NAV3: variants seen among roughly 807,000 people sequenced by gnomAD.
NAV3 encodes neuron navigator 3.
Under a neutral mutation model 244.7 loss-of-function variants are expected in NAV3, and 87 were observed. The ratio of observed to expected loss-of-function variants is 0.36; its 90% confidence interval spans 0.30 to 0.42. The LOEUF is 0.42. NAV3 is among the 20% of genes least tolerant of loss of function. The pLI, the probability that NAV3 is intolerant of heterozygous loss-of-function variation, is 1.00. For missense variants in NAV3, 2,663 were observed against 2,893.3 expected (o/e 0.92, Z 1.83); for synonymous variants, 1,126 against 1,042.2 (o/e 1.08, Z -1.55).
At chr12:78,209,813 A>G (rs1960714234) in intron 39 of NAV3, among the ~76,000 whole-genome samples, 1 of 152,204 alleles carries the variant, frequency 6.6e-6, no homozygotes, top group Non-Finnish European at 1.5e-5. Context: ...TTAACAACAC[A>G]AACTTGACAG....
At chr12:77,744,353 T>A (rs1229366861) in intron 2 of NAV3, among the ~76,000 whole-genome samples, 1 of 152,010 alleles carries the variant, frequency 6.6e-6, no homozygotes, top group Non-Finnish European at 1.5e-5. Context: ...TCTCTAACAA[T>A]TGAAAAGCTT....
At chr12:77,609,686 T>C (rs925075699) in intron 2 of NAV3, among the ~76,000 whole-genome samples, 1 of 151,980 alleles carries the variant, frequency 6.6e-6, no homozygotes, top group African/African-American at 2.4e-5. Flanking sequence ...GAACACACTT[T>C]GGGAACCACT....
At chr12:78,066,203 C>T (rs539359511) in intron 12 of NAV3, among the ~76,000 whole-genome samples, 61 of 152,114 alleles carry the variant, frequency 4.0e-4, no homozygotes, top group Middle Eastern at 6.8e-3. Flanking sequence ...TCTGCTGGCA[C>T]CTTGATAAAG....
At position 77,629,638 on chromosome 12, in the gene NAV3, A is replaced by G. The variant is rs149195139; in HGVS notation, c.72+57372A>G. On this transcript the variant is annotated intron_variant, in intron 2 of 8. Transcript: ENST00000550042. ...GTCCAAAACATTAAATGTTCTCTGC[A>G]ATGTGGCACCAACCTACCTAAGAAT... 3.0e-3 allele frequency among the ~76,000 whole-genome samples: 450 copies of G among 148,596 alleles called. 1 individual carries two copies. Among genetic ancestry groups the G allele is most frequent in the African/African-American group, 0.011 (440 of 38,268 alleles).
chr12:77,805,826 T>A (rs2135984408), intron 2 of NAV3, among the ~76,000 whole-genome samples: 1 of 152,312 alleles, frequency 6.6e-6, no homozygotes, highest in Non-Finnish European at 1.5e-5. Flanking sequence ...GGTTATTAAT[T>A]ACTGCCTCAA....
chr12:77,967,015 G>T (rs537067676), intron 4 of NAV3, among the ~76,000 whole-genome samples: 2 of 152,064 alleles, frequency 1.3e-5, no homozygotes, highest in African/African-American at 2.4e-5. Flanking sequence ...TTTTATATTT[G>T]CTTGTTATGA....
chr12:77,933,749 A>G (rs1889055024), intron 1 of NAV3, among the ~76,000 whole-genome samples: 1 of 152,228 alleles, frequency 6.6e-6, no homozygotes, highest in Admixed American at 6.5e-5. Flanking sequence ...TACAAGAGTC[A>G]TGAGATTGGA....
At chr12:78,121,133 G>A (rs192991127) in intron 15 of NAV3, among the ~76,000 whole-genome samples, 6 of 152,270 alleles carry the variant, frequency 3.9e-5, no homozygotes, top group Admixed American at 2.6e-4. Context: ...AGGAAATATG[G>A]ATTTCATTGC....
At chr12:78,187,859 C>G (rs934616345) in intron 31 of NAV3, among the ~76,000 whole-genome samples, 1 of 151,856 alleles carries the variant, frequency 6.6e-6, no homozygotes, top group African/African-American at 2.4e-5. Context: ...TCTGTTCTGT[C>G]TCTCTCACCA....
chr12:78,160,410 T>TGTGTGTGTGCGTGCGTGC (rs1957491105), intron 23 of NAV3, among the ~76,000 whole-genome samples: 2 of 127,842 alleles, frequency 1.6e-5, no homozygotes, highest in African/African-American at 5.7e-5. Context: ...CGTGCGTGTG[T>TGTGTGTGTGCGTGCGTGC]GTGTGTGTGT....
chr12:78,131,821 A>G (rs1384424027), intron 18 of NAV3, among the ~76,000 whole-genome samples: 1 of 152,208 alleles, frequency 6.6e-6, no homozygotes, highest in Non-Finnish European at 1.5e-5. Context: ...GTAAGACTTG[A>G]CAGATTCTGC....
At chr12:77,755,986 A>G (rs986712462) in intron 2 of NAV3, among the ~76,000 whole-genome samples, 2 of 152,168 alleles carry the variant, frequency 1.3e-5, no homozygotes, top group South Asian at 4.1e-4. Flanking sequence ...CTAAAATACT[A>G]ACTTAGCATG....
In NAV3 at chr12:78,190,090, C is replaced by G. The variant is rs969082808; in HGVS notation, c.6162C>G (p.Leu2054=). Residue 2054 remains leucine (L), a synonymous_variant, in exon 34 of 40, where the codon CTC becomes CTG. Coordinates refer to ENST00000397909, the MANE Select transcript of NAV3 (RefSeq NM_001024383.2). ...TGATGGAGCATCACAGAATTATACTCTCAGGACCGAGTGGTACTGGAAAGA... is the reference window on the plus strand; with the variant it reads ...TGATGGAGCATCACAGAATTATACTGTCAGGACCGAGTGGTACTGGAAAGA... ...NLLMEHHRII[L]SGPSGTGKTY... The G allele has an allele frequency of 1.9e-6, 3 of 1,613,146 alleles. No homozygotes were observed. The African/African-American group carries it at 4.0e-5, about 22-fold the overall frequency.
At chr12:78,116,533 T>G (rs112700006) in intron 12 of NAV3, among the ~76,000 whole-genome samples, 20 of 152,302 alleles carry the variant, frequency 1.3e-4, no homozygotes, top group African/African-American at 4.6e-4. Flanking sequence ...CACATTCTTC[T>G]TGAACCTGGA....
chr12:77,752,855 T>C (rs970190789), intron 2 of NAV3, among the ~76,000 whole-genome samples: 25 of 152,200 alleles, frequency 1.6e-4, no homozygotes, highest in African/African-American at 6.0e-4. Flanking sequence ...TAAAATTGAA[T>C]GCACAGGTTA....
intron 8 of NAV3, among the ~76,000 whole-genome samples, chr12:78,011,069 A>G (rs1593271831): frequency 1.3e-5 from 2 of 152,268 alleles, no homozygotes; most frequent in Middle Eastern, 3.4e-3. Flanking sequence ...TTATTCATTT[A>G]TCAAATAGAT....
At chr12:77,707,377 A>G (rs1179049519) in intron 2 of NAV3, among the ~76,000 whole-genome samples, 3 of 152,090 alleles carry the variant, frequency 2.0e-5, no homozygotes, top group East Asian at 3.9e-4. Flanking sequence ...GTCCCTACAA[A>G]GGACATGAAC....
intron 1 of NAV3, among the ~76,000 whole-genome samples, chr12:77,874,298 AG>A (rs1221244846): frequency 6.6e-6 from 1 of 152,018 alleles, no homozygotes; most frequent in Admixed American, 6.6e-5. Context: ...GGATCACTGC[AG>A]CATCAACCTT....
intron 2 of NAV3, among the ~76,000 whole-genome samples, chr12:77,589,552 A>G (rs745807550): frequency 6.6e-6 from 1 of 152,206 alleles, no homozygotes; most frequent in African/African-American, 2.4e-5. Flanking sequence ...CCTTCTTCAC[A>G]TGGGGGCAGG....
Sources: allele counts gnomAD v4.1 joint callset (sites outside exome capture counted in the v4.1 genomes callset), GRCh38; gene constraint gnomAD v4.1.1; transcripts MANE v1.5; gene names NCBI Gene and HGNC (gene_info 2026-07-23, HGNC 2026-07-21).